CDYL2: variants seen among roughly 807,000 people sequenced by gnomAD.
CDYL2 encodes chromodomain Y-like protein 2.
A neutral mutation model predicts 49.4 loss-of-function variants in CDYL2; 23 were observed. That is an observed-to-expected ratio of 0.47 (90% CI 0.34 to 0.66). The LOEUF (loss-of-function observed/expected upper bound fraction) is 0.66, where lower values mean the gene tolerates loss of function less well. Among genes scored for constraint, CDYL2 ranks in the 30% least tolerant of loss-of-function variants. The pLI is 0.01. For missense variants in CDYL2, 678 were observed against 656.4 expected (o/e 1.03, Z -0.36); for synonymous variants, 360 against 268.8 (o/e 1.34, Z -3.32).
chr16:80,620,542 G>A (rs1230438327), intron 4 of CDYL2, among the ~76,000 whole-genome samples: 2 of 152,186 alleles, frequency 1.3e-5, no homozygotes, highest in African/African-American at 4.8e-5. Context: ...GCAGGACCAT[G>A]GTTAGAGATG....
At chr16:80,647,060 C>G (rs1376432170) in intron 2 of CDYL2, among the ~76,000 whole-genome samples, 2 of 151,894 alleles carry the variant, frequency 1.3e-5, no homozygotes, top group East Asian at 3.9e-4. Flanking sequence ...TTCTATATGC[C>G]AACAGTAAAC....
rs1196263237 is a variant in CDYL2, at chr16:80,602,274, T to C, written c.*2114A>G. ...CTATAGTAACTCCCTGTAGGACAGG[T>C]CCGAAGTCCTTACAGGATCCTACAT... On this transcript the variant is annotated 3_prime_UTR_variant, in exon 7 of 7. Transcript: ENST00000570137. The C allele has an allele frequency of 1.3e-5, 2 of 152,134 alleles. No homozygotes were observed. 9.4% of individuals were successfully genotyped at this position (152,134 alleles called of 1,614,324 possible).
At chr16:80,776,935 G>T (rs112596409) in intron 1 of CDYL2, among the ~76,000 whole-genome samples, 3 of 151,140 alleles carry the variant, frequency 2.0e-5, no homozygotes, top group Non-Finnish European at 2.9e-5. Context: ...CTCCTGCCTC[G>T]GCCTCCCGAA....
intron 1 of CDYL2, among the ~76,000 whole-genome samples, chr16:80,796,734 T>A (rs1031206726): frequency 6.6e-6 from 1 of 152,168 alleles, no homozygotes; most frequent in Non-Finnish European, 1.5e-5. Flanking sequence ...TCACCCTGGA[T>A]ATCACATTCA....
chr16:80,743,078 A>T (rs1462862717), intron 1 of CDYL2, among the ~76,000 whole-genome samples: 1 of 152,066 alleles, frequency 6.6e-6, no homozygotes, highest in Non-Finnish European at 1.5e-5. Context: ...CGACGGACGG[A>T]CTCATTGATG....
Position 80,601,090 on chromosome 16 carries a change from A to T in CDYL2, c.*3298T>A, listed in dbSNP as rs1906061479. The T allele has an allele frequency of 6.6e-6, 1 of 152,238 alleles. No homozygotes were observed. Among genetic ancestry groups the T allele is most frequent in the South Asian group, 2.1e-4 (1 of 4,832 alleles). The allele number at this position is 152,238 out of a possible 1,614,324, so 9.4% of individuals were successfully genotyped here. A position where few individuals can be genotyped will look rare whatever the true frequency, so the allele number is the denominator to read the frequency against. On this transcript the variant is annotated 3_prime_UTR_variant, in exon 7 of 7. Coordinates refer to ENST00000570137, the MANE Select transcript of CDYL2 (RefSeq NM_152342.4). ...TGATTTTGATGGCTGTTACCCAGAC[A>T]TTATTTCTATGCCGGAAGGGGCACA... is the stretch of plus-strand genomic sequence containing the variant.
At chr16:80,618,938 T>A (rs1302085725) in intron 4 of CDYL2, among the ~76,000 whole-genome samples, 2 of 152,154 alleles carry the variant, frequency 1.3e-5, no homozygotes, top group African/African-American at 4.8e-5. Flanking sequence ...ACCACAAACT[T>A]GGCAGTTTAA....
At chr16:80,679,701 G>A (rs1039771858) in intron 2 of CDYL2, 2 of 456,100 alleles carry the variant, frequency 4.4e-6, no homozygotes, top group Middle Eastern at 3.3e-4. Flanking sequence ...TCCAGGTGCA[G>A]AGCACAAGCA....
At position 80,601,432 on chromosome 16, in the gene CDYL2, CT is replaced by C. The variant is rs1906079071; in HGVS notation, c.*2955del. ...GGGCTGCCAAAATGAGCCGCAATTC[CT>C]CAAAGACCTGCCCAGGCTCTTGGGA... is the stretch of plus-strand genomic sequence containing the variant. On this transcript the variant is annotated 3_prime_UTR_variant, in exon 7 of 7. Transcript: ENST00000570137. The C allele has an allele frequency of 1.3e-5, 2 of 152,172 alleles. No homozygotes were observed. The highest frequency in any genetic ancestry group is 4.8e-5 in the African/African-American group (2 of 41,412). The allele number at this position is 152,172 out of a possible 1,614,324, so 9.4% of individuals were successfully genotyped here.
At position 80,804,537 on chromosome 16, in the gene CDYL2, CCCCGGCGCCGCCTGCAGGAAGCCG is replaced by C. The variant is rs1186631513; in HGVS notation, c.-388_-365del. On this transcript the variant is annotated 5_prime_UTR_variant, in exon 1 of 7. Transcript: ENST00000570137. ...GGTGGCTGCAGCCGGCAACGGCTCG[CCCCGGCGCCGCCTGCAGGAAGCCG>C]CCCGGCGCCCGCCGCCGGCCCGGAC... is the stretch of plus-strand genomic sequence containing the variant. Among the ~76,000 whole-genome samples the C allele has an allele frequency of 2.8e-5, 4 of 144,674 alleles. No homozygotes were observed. Among genetic ancestry groups the C allele is most frequent in the East Asian group, 4.1e-4 (2 of 4,824 alleles). 94.9% of individuals were successfully genotyped at this position (144,674 alleles called of 152,430 possible).
intron 2 of CDYL2, among the ~76,000 whole-genome samples, chr16:80,653,385 A>G (rs1207565684): frequency 6.6e-6 from 1 of 152,200 alleles, no homozygotes; most frequent in Non-Finnish European, 1.5e-5. Context: ...GAATCGCTTG[A>G]ACCCAGGAGG....
intron 2 of CDYL2, among the ~76,000 whole-genome samples, chr16:80,675,108 T>C (rs1453725062): frequency 2.0e-5 from 3 of 152,246 alleles, no homozygotes; most frequent in Admixed American, 6.5e-5. Context: ...CTACTGAAGA[T>C]GCCTCAAAGG....
At chr16:80,644,870 C>CA (rs1908264174) in intron 2 of CDYL2, among the ~76,000 whole-genome samples, 1 of 151,204 alleles carries the variant, frequency 6.6e-6, no homozygotes, top group South Asian at 2.1e-4. Flanking sequence ...ACAAACCTGA[C>CA]AAAAACAAGA....
chr16:80,708,138 C>T (rs1376284153), intron 1 of CDYL2, among the ~76,000 whole-genome samples: 2 of 152,150 alleles, frequency 1.3e-5, no homozygotes, highest in Non-Finnish European at 2.9e-5. Flanking sequence ...TAGGAGGAAA[C>T]TCACATTTAC....
chr16:80,660,136 T>G (rs531504651), intron 2 of CDYL2, among the ~76,000 whole-genome samples: 1 of 152,092 alleles, frequency 6.6e-6, no homozygotes, highest in East Asian at 1.9e-4. Flanking sequence ...TTTCAGGTGT[T>G]CTAACACCAA....
intron 1 of CDYL2, among the ~76,000 whole-genome samples, chr16:80,714,390 T>G (rs551874718): frequency 1.8e-4 from 27 of 152,324 alleles, no homozygotes; most frequent in African/African-American, 6.5e-4. Flanking sequence ...CTAATTAACC[T>G]TATTTGATTG....
chr16:80,647,256 T>A (rs1296439726), intron 2 of CDYL2, among the ~76,000 whole-genome samples: 1 of 152,154 alleles, frequency 6.6e-6, no homozygotes, highest in Non-Finnish European at 1.5e-5. Context: ...ATTTAAGGAA[T>A]CAATATTGTT....
intron 5 of CDYL2, among the ~76,000 whole-genome samples, chr16:80,608,991 C>T (rs987218231): frequency 6.6e-6 from 1 of 152,130 alleles, no homozygotes; most frequent in African/African-American, 2.4e-5. Flanking sequence ...CACCACAATA[C>T]CAAGGCAGAG....
chr16:80,672,571 AAAGGAAAGGAAAGGAAAGG>A (rs1909570085), intron 2 of CDYL2, among the ~76,000 whole-genome samples: 1 of 147,030 alleles, frequency 6.8e-6, no homozygotes, highest in Non-Finnish European at 1.5e-5. Flanking sequence ...AAAGGAAAGG[AAAGGAAAGGAAAGGAAAGG>A]AAAGGAAAGG....
Sources: gnomAD v4.1 joint callset for allele counts (sites outside exome capture counted in the v4.1 genomes callset) on GRCh38, gnomAD v4.1.1 for gene constraint, MANE v1.5 for transcripts, NCBI Gene and HGNC (gene_info 2026-07-23, HGNC 2026-07-21) for gene names.